MARCHF7: variants seen among roughly 807,000 people sequenced by gnomAD.
MARCHF7 encodes the protein E3 ubiquitin-protein ligase MARCHF7.
In MARCHF7, 20 loss-of-function variants were observed where a neutral mutation model predicts 76.5. The observed-to-expected ratio is 0.26, with a 90% CI of 0.18 to 0.38. The LOEUF is 0.38. MARCHF7 is among the 10% of genes least tolerant of loss of function. The pLI, the probability that MARCHF7 is intolerant of heterozygous loss-of-function variation, is 1.00. For synonymous variants in MARCHF7, 295 were observed against 293.0 expected (o/e 1.01, Z -0.07); for missense variants, 797 against 812.9 (o/e 0.98, Z 0.24).
rs909260152 is a variant in MARCHF7, at chr2:159,767,448, A to G, written c.*106A>G. 2.8e-6 allele frequency: 2 copies of G among 706,608 alleles called. No homozygotes were observed. Among genetic ancestry groups the G allele is most frequent in the South Asian group, 1.8e-5 (1 of 57,100 alleles). 43.8% of individuals were successfully genotyped at this position (706,608 alleles called of 1,614,324 possible). ...GGAATGCCTAATAAATACATTGACTATATATAAAATGAATATATACATACA... is the reference window on the plus strand; with the variant it reads ...GGAATGCCTAATAAATACATTGACTGTATATAAAATGAATATATACATACA... On this transcript the variant is annotated 3_prime_UTR_variant, in exon 12 of 12. Transcript: ENST00000409175.
chr2:159,732,009 C>T (rs1302713587), intron 4 of MARCHF7, among the ~76,000 whole-genome samples: 1 of 151,934 alleles, frequency 6.6e-6, no homozygotes, highest in African/African-American at 2.4e-5. Flanking sequence ...GAGGCTGAGG[C>T]AGGAGAATGG....
chr2:159,717,751 A>T lies in MARCHF7; in HGVS notation c.-15+1985A>T, dbSNP rs193024764. 4.5e-3 allele frequency among the ~76,000 whole-genome samples: 685 copies of T among 152,278 alleles called. 2 individuals carry two copies. Among genetic ancestry groups the T allele is most frequent in the Non-Finnish European group, 6.9e-3 (466 of 68,012 alleles). ...CTCAATTAACAAAGTACATTAAAGA[A>T]TTTTTTTGAAAACTAAGTATAAAGA... On this transcript the variant is annotated intron_variant, in intron 3 of 11. Transcript: ENST00000409175.
rs2125728560 is a variant in MARCHF7, at chr2:159,762,937, G to A, written c.1951G>A (p.Glu651Lys). Residue 651 changes from glutamate (E) to lysine (K), a missense_variant, in exon 10 of 12, where the codon GAA (glutamate) becomes AAA (lysine). Coordinates refer to ENST00000409175, the MANE Select transcript of MARCHF7 (RefSeq NM_001282805.2). ...CCTAGTGGTGTTATTGCACTTGTGC[G>A]AACAAAGCTTTTCTGATATGATGGG... ...LYLVVLLHLC[E>K]QSFSDMMGNT... is the part of the protein sequence containing the mutation. 2 of 1,613,082 alleles carry A rather than the reference G, an allele frequency of 1.2e-6. No individual in the cohort carries two copies. The highest frequency in any genetic ancestry group is 4.5e-5 in the East Asian group (2 of 44,768).
chr2:159,759,102 A>G lies in MARCHF7; in HGVS notation c.1784-124A>G, dbSNP rs1354819055. 12 of 607,078 alleles carry G rather than the reference A, an allele frequency of 2.0e-5. No homozygotes were observed. The East Asian group carries it at 3.4e-4, about 17-fold the overall frequency. 37.6% of individuals were successfully genotyped at this position (607,078 alleles called of 1,614,324 possible). On this transcript the variant is annotated intron_variant, in intron 8 of 11. Transcript: ENST00000409175. ...ATTACTGGTTTACTGCAGAAATGTA[A>G]TATTTCCTTTTCTTCTTCTTTCCTT... is the stretch of plus-strand genomic sequence containing the variant.
chr2:159,748,828 C>T lies in MARCHF7; in HGVS notation c.1538C>T (p.Ser513Leu). 1 of 1,614,050 alleles carries T rather than the reference C, an allele frequency of 6.2e-7. No homozygotes were observed. The change falls in exon 7 of 12, where the codon TCA (serine) becomes TTA (leucine). Residue 513 changes from serine (S) to leucine (L), a missense_variant. Ser to Leu is a moderately radical substitution (Grantham distance 145). This residue lies in a region of MARCHF7 where 643 missense variants were observed against 631.5 expected (regional missense o/e 1.02). Coordinates refer to ENST00000409175, the MANE Select transcript of MARCHF7 (RefSeq NM_001282805.2). ...GATATTATTCCTTCAGGTTGGAATT[C>T]AGCTGATGGTAAAAGTGATAAAACT... ...TVDIIPSGWN[S>L]ADGKSDKTKS...
intron 10 of MARCHF7, among the ~76,000 whole-genome samples, chr2:159,764,212 T>TTGTGTGTGTGTGTGTGTGTG (rs377705664): frequency 2.9e-5 from 4 of 138,564 alleles, no homozygotes; most frequent in East Asian, 2.1e-4. Flanking sequence ...CTTGGGAGTT[T>TTGTGTGTGTGTGTGTGTGTG]TGTGTGTGTG....
intron 4 of MARCHF7, chr2:159,733,177 A>G (rs1289250177): frequency 2.6e-6 from 2 of 777,494 alleles, no homozygotes; most frequent in Non-Finnish European, 3.1e-6. Context: ...ATATTAAATT[A>G]CATATAGTAT....
At chr2:159,763,045 G>A (rs1707306271) in intron 10 of MARCHF7, 52 bp downstream of exon 10, 3 of 1,097,742 alleles carry the variant, frequency 2.7e-6, no homozygotes, top group Non-Finnish European at 4.1e-6. Flanking sequence ...GCAAGTGTAT[G>A]CCTTGGAAAG....
chr2:159,729,297 T>A, intron 4 of MARCHF7, 122 bp downstream of exon 4: 1 of 587,248 alleles, frequency 1.7e-6, no homozygotes, highest in Non-Finnish European at 2.7e-6. Flanking sequence ...AAAACCAATA[T>A]ATATGTAGCA....
Position 159,752,790 on chromosome 2 carries a change from A to G in MARCHF7, c.1783+219A>G, listed in dbSNP as rs1254219385. On this transcript the variant is annotated intron_variant, in intron 8 of 11. Transcript: ENST00000409175. ...TTCCTACCAAACTGTTTACTACTTC[A>G]TACATGTATAATACAGCTGTAATTT... is the stretch of plus-strand genomic sequence containing the variant. Among the ~76,000 whole-genome samples, 10 of 152,342 alleles carry G rather than the reference A, an allele frequency of 6.6e-5. 1 individual carries two copies. In the Middle Eastern group the frequency reaches 0.024, roughly 363 times the overall value.
At chr2:159,737,502 G>A (rs1241637683) in intron 4 of MARCHF7, among the ~76,000 whole-genome samples, 3 of 152,186 alleles carry the variant, frequency 2.0e-5, no homozygotes, top group Non-Finnish European at 2.9e-5. Context: ...AAGATGGATA[G>A]GCTGGGCACA....
Position 159,748,364 on chromosome 2 carries a change from A to T in MARCHF7, c.1074A>T (p.Ser358=), listed in dbSNP as rs371879080. Residue 358 remains serine, a synonymous_variant, in exon 7 of 12, where the codon TCA becomes TCT. Coordinates refer to ENST00000409175, the MANE Select transcript of MARCHF7 (RefSeq NM_001282805.2). ...FRFLRRRWGL[S]SLSHNHSSES... ...TTCTTAGGCGAAGATGGGGTTTGTCATCTCTTAGCCACAATCATAGCTCTG... is the reference window on the plus strand; with the variant it reads ...TTCTTAGGCGAAGATGGGGTTTGTCTTCTCTTAGCCACAATCATAGCTCTG... The T allele has an allele frequency of 2.0e-5, 32 of 1,613,848 alleles. No homozygotes were observed. Among genetic ancestry groups the T allele is most frequent in the Non-Finnish European group, 2.5e-5 (30 of 1,180,026 alleles).
chr2:159,721,606 G>T (rs565890057), intron 3 of MARCHF7, among the ~76,000 whole-genome samples: 1 of 152,242 alleles, frequency 6.6e-6, no homozygotes, highest in African/African-American at 2.4e-5. Flanking sequence ...TACGATTTTT[G>T]TCTGTGTGTG....
rs895452815 is a variant in MARCHF7 at position 159,770,902 on chromosome 2, GTT to G, written c.*3564_*3565del. 1.6e-4 allele frequency: 25 copies of G among 151,998 alleles called. No individual in the cohort carries two copies. The highest frequency in any genetic ancestry group is 4.6e-4 in the Admixed American group (7 of 15,268). 9.4% of individuals were successfully genotyped at this position (151,998 alleles called of 1,614,324 possible). ...AATTTATACATTCTTTATCTTTCCT[GTT>G]TTTGGTTTATTGATGGTGAGGAAAA... is the stretch of plus-strand genomic sequence containing the variant. On this transcript the variant is annotated 3_prime_UTR_variant, in exon 12 of 12. Transcript: ENST00000409175.
At chr2:159,749,949 A>G (rs1174642111) in intron 7 of MARCHF7, among the ~76,000 whole-genome samples, 8 of 152,184 alleles carry the variant, frequency 5.3e-5, no homozygotes. Context: ...ATTTATTTAC[A>G]TTTCTCACTG....
intron 10 of MARCHF7, among the ~76,000 whole-genome samples, chr2:159,764,249 T>C (rs1466907378): frequency 1.8e-4 from 24 of 131,108 alleles, no homozygotes; most frequent in Admixed American, 5.0e-4. Flanking sequence ...TGTGTGTGTG[T>C]GTGTGTGCGC....
chr2:159,738,096 C>T (rs935498248), intron 4 of MARCHF7, among the ~76,000 whole-genome samples: 4 of 152,174 alleles, frequency 2.6e-5, no homozygotes, highest in East Asian at 1.9e-4. Context: ...GCGCAGGGTC[C>T]GGCCACCGTT....
rs774719752 is a variant in MARCHF7, at chr2:159,764,687, T to A, written c.2056+13T>A. 6.3e-7 allele frequency: 1 copy of A among 1,599,912 alleles called. No homozygotes were observed. The highest frequency in any genetic ancestry group is 8.5e-7 in the Non-Finnish European group (1 of 1,172,574). ...GAAGATCTCGAAAGTAGGTGGAATT[T>A]CCCCTCCCCAGACTTGTTGAATTTA... On this transcript the variant is annotated intron_variant, in intron 11 of 11. Coordinates refer to ENST00000409175, the MANE Select transcript of MARCHF7 (RefSeq NM_001282805.2).
chr2:159,742,798 G>A (rs1704298585), intron 4 of MARCHF7, among the ~76,000 whole-genome samples: 1 of 152,060 alleles, frequency 6.6e-6, no homozygotes, highest in Admixed American at 6.5e-5. Context: ...TTAGCCGGGC[G>A]TGGTGGCACA....
Sources: gnomAD v4.1 joint callset for allele counts (sites outside exome capture counted in the v4.1 genomes callset) on GRCh38, gnomAD v4.1.1 for gene constraint, gnomAD v4.1.1 regional missense constraint, MANE v1.5 for transcripts, NCBI Gene and HGNC (gene_info 2026-07-23, HGNC 2026-07-21) for gene names.